RP1L1: variants seen among roughly 807,000 people sequenced by gnomAD.
RP1L1 encodes the protein retinitis pigmentosa 1-like 1 protein.
In RP1L1, 27 loss-of-function variants were observed where a neutral mutation model predicts 15.7. That is an observed-to-expected ratio of 1.72 (90% confidence interval 1.27 to 2.38). RP1L1 has a LOEUF of 2.38. RP1L1 is among the 30% of genes most tolerant of loss of function. The pLI, the probability that RP1L1 is intolerant of heterozygous loss-of-function variation, is 0.00. For synonymous variants in RP1L1, 1,813 were observed against 1,276.7 expected (o/e 1.42, Z -8.96); for missense variants, 4,798 against 3,075.9 (o/e 1.56, Z -13.24).
rs535907495 is a variant in RP1L1 at position 10,609,176 on chromosome 8, G to C, written c.4922C>G (p.Thr1641Arg). The C allele has an allele frequency of 1.2e-5, 19 of 1,612,386 alleles. No individual in the cohort carries two copies. Among genetic ancestry groups the C allele is most frequent in the Non-Finnish European group, 1.5e-5 (18 of 1,179,544 alleles). Residue 1641 changes from threonine to arginine, a missense_variant, in exon 4 of 4, where the codon ACA becomes AGA. Coordinates refer to ENST00000382483, the MANE Select transcript of RP1L1 (RefSeq NM_178857.6). ...CTCGCCCAGCTGGCTCCCCAGGGCT[G>C]TGCTGAGGGCTGGCTCGTCCTCCAG... Reference protein sequence around the residue: ...FTLEDEPALSTALGSQLGEEA... With the variant: ...FTLEDEPALSRALGSQLGEEA...
At chr8:10,646,422 G>A (rs1407854359) in intron 1 of RP1L1, among the ~76,000 whole-genome samples, 7 of 152,150 alleles carry the variant, frequency 4.6e-5, no homozygotes, top group Admixed American at 6.5e-5. Context: ...TTTAGGAGCC[G>A]TTTAGGCATC....
At chr8:10,652,368 G>A (rs777956579) in intron 1 of RP1L1, among the ~76,000 whole-genome samples, 7 of 152,138 alleles carry the variant, frequency 4.6e-5, no homozygotes, top group South Asian at 2.1e-4. Flanking sequence ...GAAGGGTTGG[G>A]GGCCTCCTCA....
At chr8:10,633,600 G>T (rs1039323527) in intron 1 of RP1L1, among the ~76,000 whole-genome samples, 1 of 152,106 alleles carries the variant, frequency 6.6e-6, no homozygotes. Context: ...TCAGAGGAGC[G>T]CAGCGTCCCG....
Position 10,608,721 on chromosome 8 carries a change from C to G in RP1L1, c.5377G>C (p.Glu1793Gln), listed in dbSNP as rs370442415. The change falls in exon 4 of 4, where the codon GAG becomes CAG. Residue 1793 changes from glutamate to glutamine, a missense_variant. By Grantham distance (29) the Glu-to-Gln change is conservative (BLOSUM62 2). Coordinates refer to ENST00000382483, the MANE Select transcript of RP1L1 (RefSeq NM_178857.6). The stretch of plus-strand genomic sequence containing the variant: ...CCCCTTTCACTTATGCCCTCTCCCT[C>G]CTGCTCAGCTTCCCCCAACTCACTG... The part of the protein sequence containing the change: ...AGSELGEAEQ[E>Q]GEGISERGET... The G allele has an allele frequency of 1.9e-5, 31 of 1,614,148 alleles. No homozygotes were observed. In the African/African-American group the frequency reaches 3.5e-4, roughly 18 times the overall value.
Position 10,613,363 on chromosome 8 carries a change from A to G in RP1L1, c.752-17T>C. On this transcript the variant is annotated splice_polypyrimidine_tract_variant and intron_variant, in intron 3 of 3. Coordinates refer to ENST00000382483, the MANE Select transcript of RP1L1 (RefSeq NM_178857.6). ...CCCAGCTCCCTGGCACGCAGTGAAG[A>G]GGAAAAGAAAAGAAGAAAAGACTGT... is the stretch of plus-strand genomic sequence containing the variant. 6.3e-7 allele frequency: 1 copy of G among 1,599,224 alleles called. No homozygotes were observed. The highest frequency in any genetic ancestry group is 8.5e-7 in the Non-Finnish European group (1 of 1,179,894).
chr8:10,637,518 G>A (rs1275056104), intron 1 of RP1L1, among the ~76,000 whole-genome samples: 1 of 152,172 alleles, frequency 6.6e-6, no homozygotes, highest in Non-Finnish European at 1.5e-5. Flanking sequence ...GGCTGAGGCG[G>A]GAGGATCACT....
intron 1 of RP1L1, among the ~76,000 whole-genome samples, chr8:10,639,008 G>T (rs1007922255): frequency 8.5e-5 from 13 of 152,212 alleles, no homozygotes; most frequent in African/African-American, 3.1e-4. Flanking sequence ...AGCTGGGCGT[G>T]GTGGTGCATG....
At chr8:10,644,621 T>C (rs1035111093) in intron 1 of RP1L1, among the ~76,000 whole-genome samples, 5 of 152,190 alleles carry the variant, frequency 3.3e-5, no homozygotes, top group African/African-American at 1.2e-4. Flanking sequence ...TCTTTAGTCC[T>C]TTTCCATCAA....
rs1356973822 is a variant in RP1L1 at position 10,611,371 on chromosome 8, C to A, written c.2727G>T (p.Arg909Ser). The A allele has an allele frequency of 6.2e-7, 1 of 1,609,616 alleles. No individual in the cohort carries two copies. Among genetic ancestry groups the A allele is most frequent in the Non-Finnish European group, 8.5e-7 (1 of 1,179,138 alleles). ...PSPGPNSGAS[R>S]RSSASQGAGS... is the part of the protein sequence containing the mutation. ...CCGCACCCTGGCTGGCACTGCTTCTCCTTGATGCCCCTGAATTGGGGCCTG... is the reference window on the plus strand; with the variant it reads ...CCGCACCCTGGCTGGCACTGCTTCTACTTGATGCCCCTGAATTGGGGCCTG... The change falls in exon 4 of 4, where the codon AGG becomes AGT. Residue 909 changes from arginine (R) to serine (S), a missense_variant. Physicochemically the swap from Arg to Ser is moderately radical, Grantham distance 110. Coordinates refer to ENST00000382483, the MANE Select transcript of RP1L1 (RefSeq NM_178857.6).
At position 10,607,208 on chromosome 8, in the gene RP1L1, C is replaced by T. The variant is rs757664806; in HGVS notation, c.6890G>A (p.Gly2297Asp). Reference protein sequence around the residue: ...TPHQRPGSQTGPSSSRASSWG... With the variant: ...TPHQRPGSQTDPSSSRASSWG... ...AGAGGATGCTCTGGAGGAGGAAGGG[C>T]CTGTTTGGGAGCCTGGCCTTTGGTG... The change falls in exon 4 of 4, where the codon GGC (glycine) becomes GAC (aspartate). Residue 2297 changes from glycine (G) to aspartate (D), a missense_variant. Coordinates refer to ENST00000382483, the MANE Select transcript of RP1L1 (RefSeq NM_178857.6). The T allele has an allele frequency of 1.2e-6, 2 of 1,614,134 alleles. No homozygotes were observed. The highest frequency in any genetic ancestry group is 1.7e-5 in the Admixed American group (1 of 60,022).
At chr8:10,645,246 G>C (rs1286457911) in intron 1 of RP1L1, among the ~76,000 whole-genome samples, 2 of 152,162 alleles carry the variant, frequency 1.3e-5, no homozygotes, top group Non-Finnish European at 2.9e-5. Context: ...AGGATCGCCT[G>C]AACCCAGAAG....
In RP1L1 at chr8:10,645,321, T is replaced by A. The variant is rs6982736; in HGVS notation, c.-20+9577A>T. Among the ~76,000 whole-genome samples, 128 of 152,222 alleles carry A rather than the reference T, an allele frequency of 8.4e-4. 1 individual carries two copies. Among genetic ancestry groups the A allele is most frequent in the African/African-American group, 2.7e-3 (112 of 41,518 alleles). Reference sequence around the variant, plus strand: ...CAGACTGGGCTACAGAGTGAGACCCTGTAACAAAAACAAACAAATGAACAA... The same window carrying A: ...CAGACTGGGCTACAGAGTGAGACCCAGTAACAAAAACAAACAAATGAACAA... On this transcript the variant is annotated intron_variant, in intron 1 of 3. Coordinates refer to ENST00000382483, the MANE Select transcript of RP1L1 (RefSeq NM_178857.6).
chr8:10,613,475 C>A, intron 3 of RP1L1, 129 bp from the exon 4 acceptor site: 1 of 1,345,740 alleles, frequency 7.4e-7, no homozygotes, highest in Non-Finnish European at 1.0e-6. Context: ...CCAAAATGCA[C>A]GGTGACAGCT....
Position 10,609,499 on chromosome 8 carries a change from G to A in RP1L1, c.4599C>T (p.His1533=), listed in dbSNP as rs759115593. ...GGAGCTCAGCCACCGCACTGGCAAG[G>A]TGGGCCAGGAAGGCCTTCTCCGTCT... ...LKKTEKAFLA[H]LASAVAELRA... Residue 1533 remains histidine (H), a synonymous_variant, in exon 4 of 4, where the codon CAC becomes CAT. Transcript: ENST00000382483. 6.2e-7 allele frequency: 1 copy of A among 1,610,506 alleles called. No homozygotes were observed. Among genetic ancestry groups the A allele is most frequent in the African/African-American group, 1.3e-5 (1 of 74,914 alleles).
At chr8:10,648,050 T>TA (rs1235443180) in intron 1 of RP1L1, among the ~76,000 whole-genome samples, 28 of 152,064 alleles carry the variant, frequency 1.8e-4, no homozygotes, top group Admixed American at 3.9e-4. Flanking sequence ...TTTTTTTTTT[T>TA]AGACAGAGTC....
rs1433853572 is a variant in RP1L1 at position 10,608,685 on chromosome 8, C to T, written c.5413G>A (p.Gly1805Ser). Residue 1805 changes from glycine (G) to serine (S), a missense_variant, in exon 4 of 4, where the codon GGT (glycine) becomes AGT (serine). Coordinates refer to ENST00000382483, the MANE Select transcript of RP1L1 (RefSeq NM_178857.6). ...EGISERGETG[G>S]QGSGHEDNLQ... is the part of the protein sequence containing the mutation. ...TTGTCCTCATGCCCAGAGCCTTGAC[C>T]CCCAGTTTCTCCCCTTTCACTTATG... 1.2e-6 allele frequency: 2 copies of T among 1,614,190 alleles called. No individual in the cohort carries two copies. The highest frequency in any genetic ancestry group is 2.2e-5 in the South Asian group (2 of 91,088).
chr8:10,636,917 G>A (rs117185109), intron 1 of RP1L1, among the ~76,000 whole-genome samples: 2,141 of 152,294 alleles, frequency 0.014, 24 homozygotes, highest in Non-Finnish European at 0.021. Flanking sequence ...CTGTCACACA[G>A]CTCCCTGACA....
Position 10,654,924 on chromosome 8 carries a change from G to C in RP1L1, c.-46C>G, listed in dbSNP as rs1798615977. ...GTCCTCCAGGGAGCACAAGGGCATG[G>C]CTCAGCCCCTAAGCCTCAGGGGGAC... On this transcript the variant is annotated 5_prime_UTR_variant, in exon 1 of 4. Coordinates refer to ENST00000382483, the MANE Select transcript of RP1L1 (RefSeq NM_178857.6). 1.3e-5 allele frequency: 2 copies of C among 152,782 alleles called. No homozygotes were observed. The highest frequency in any genetic ancestry group is 4.8e-5 in the African/African-American group (2 of 41,464). The allele number at this position is 152,782 out of a possible 1,614,324, so 9.5% of individuals were successfully genotyped here.
intron 1 of RP1L1, among the ~76,000 whole-genome samples, chr8:10,650,524 G>T (rs1586006239): frequency 6.6e-6 from 1 of 151,948 alleles, no homozygotes; most frequent in South Asian, 2.1e-4. Flanking sequence ...TGAGGCTCAG[G>T]GAAGTCATAA....
Sources: gnomAD v4.1 joint callset for allele counts (sites outside exome capture counted in the v4.1 genomes callset) on GRCh38, gnomAD v4.1.1 for gene constraint, MANE v1.5 for transcripts, NCBI Gene and HGNC (gene_info 2026-07-23, HGNC 2026-07-21) for gene names.